NUP210L: variants seen among roughly 807,000 people sequenced by gnomAD.
NUP210L encodes nucleoporin 210 like, also known as nuclear pore membrane glycoprotein 210-like.
In NUP210L, 74 loss-of-function variants were observed where a neutral mutation model predicts 208.5. The ratio of observed to expected loss-of-function variants is 0.35; its 90% CI spans 0.29 to 0.43. The LOEUF is 0.43. NUP210L is among the 20% of genes least tolerant of loss of function. The pLI, the probability that NUP210L is intolerant of heterozygous loss-of-function variation, is 1.00. For missense variants in NUP210L, 1,843 were observed against 2,289.4 expected (o/e 0.81, Z 3.98); for synonymous variants, 780 against 816.9 (o/e 0.95, Z 0.77).
At chr1:154,119,025 G>T (rs1328492140) in intron 10 of NUP210L, among the ~76,000 whole-genome samples, 4 of 151,978 alleles carry the variant, frequency 2.6e-5, no homozygotes, top group African/African-American at 9.7e-5. Context: ...AAAGGGTTTT[G>T]CTAGACCTAA....
At chr1:154,044,461 G>A (rs1482841708) in intron 27 of NUP210L, among the ~76,000 whole-genome samples, 1 of 151,430 alleles carries the variant, frequency 6.6e-6, no homozygotes, top group Non-Finnish European at 1.5e-5. Context: ...ACATTAAATT[G>A]CATCAAACTA....
At chr1:154,144,050 C>G (rs1194111973) in intron 2 of NUP210L, among the ~76,000 whole-genome samples, 1 of 151,922 alleles carries the variant, frequency 6.6e-6, no homozygotes, top group Non-Finnish European at 1.5e-5. Context: ...GGAGTGGTGG[C>G]GGGCACCTGT....
At chr1:154,074,745 T>C (rs1185772428) in intron 16 of NUP210L, among the ~76,000 whole-genome samples, 1 of 152,174 alleles carries the variant, frequency 6.6e-6, no homozygotes, top group African/African-American at 2.4e-5. Flanking sequence ...TGCTTCGGCC[T>C]CCCAAAGTTC....
intron 27 of NUP210L, among the ~76,000 whole-genome samples, chr1:154,031,006 C>T (rs1474680200): frequency 6.6e-6 from 1 of 152,172 alleles, no homozygotes; most frequent in Non-Finnish European, 1.5e-5. Context: ...CCTCAGTCTC[C>T]TAAAGTGTTG....
At chr1:154,124,525 G>GA (rs1159938285) in intron 10 of NUP210L, among the ~76,000 whole-genome samples, 3 of 151,172 alleles carry the variant, frequency 2.0e-5, no homozygotes, top group South Asian at 2.1e-4. Flanking sequence ...TAATCCAAAA[G>GA]AAAAAAAATG....
chr1:154,054,241 A>G (rs1476739430), exon 25 of NUP210L: 13 of 1,614,158 alleles, frequency 8.1e-6, no homozygotes, highest in Non-Finnish European at 1.1e-5. Flanking sequence ...AGAAAACACA[A>G]TGACTTTGCC....
chr1:154,132,147 A>T (rs140002788), intron 7 of NUP210L, among the ~76,000 whole-genome samples: 1 of 152,210 alleles, frequency 6.6e-6, no homozygotes, highest in African/African-American at 2.4e-5. Context: ...ATTCCTTCAG[A>T]TCCTCCTCAC....
rs1449580511 is a variant in NUP210L, at chr1:154,123,070, C to CTT, written c.1326+3252_1326+3253insAA. Among the ~76,000 whole-genome samples, 129 of 29,920 alleles carry CTT rather than the reference C, an allele frequency of 4.3e-3. 1 individual carries two copies. The highest frequency in any genetic ancestry group is 0.015 in the African/African-American group (123 of 8,464). 19.6% of individuals were successfully genotyped at this position (29,920 alleles called of 152,430 possible). On this transcript the variant is annotated intron_variant, in intron 10 of 39. Coordinates refer to ENST00000368559, the Ensembl canonical transcript of NUP210L. ...TGTCTCAAAAAAAAAAAAAAAAAAA[C>CTT]CACAAAAAACTACTAGAGCTAATAA...
At chr1:154,120,996 G>T (rs544216503) in intron 10 of NUP210L, among the ~76,000 whole-genome samples, 1 of 152,054 alleles carries the variant, frequency 6.6e-6, no homozygotes, top group South Asian at 2.1e-4. Flanking sequence ...TGCAGACAAG[G>T]TATAATAATC....
At chr1:154,117,259 T>A (rs935844212) in intron 12 of NUP210L, among the ~76,000 whole-genome samples, 12 of 152,210 alleles carry the variant, frequency 7.9e-5, no homozygotes, top group African/African-American at 2.9e-4. Context: ...GAAGCAAGAT[T>A]CAACCTAGTT....
chr1:154,103,651 G>A (rs1479507139), intron 13 of NUP210L, among the ~76,000 whole-genome samples: 3 of 122,206 alleles, frequency 2.5e-5, no homozygotes, highest in Non-Finnish European at 4.8e-5. Flanking sequence ...CAGCCTGGGC[G>A]ACAGAGCGAG....
At chr1:154,044,870 G>T (rs1413763451) in intron 27 of NUP210L, among the ~76,000 whole-genome samples, 3 of 152,070 alleles carry the variant, frequency 2.0e-5, no homozygotes, top group African/African-American at 7.2e-5. Flanking sequence ...CATAGTTTCT[G>T]CCAAACTTGC....
chr1:154,005,114 G>C (rs1650442970), intron 35 of NUP210L, among the ~76,000 whole-genome samples: 1 of 149,200 alleles, frequency 6.7e-6, no homozygotes, highest in Non-Finnish European at 1.5e-5. Flanking sequence ...GCCTCCCAAA[G>C]TGCTGGGATT....
Position 154,002,241 on chromosome 1 carries a change from G to A in NUP210L, c.4931-256C>T, listed in dbSNP as rs142321575. 2.0e-5 allele frequency among the ~76,000 whole-genome samples: 3 copies of A among 151,960 alleles called. No individual in the cohort carries two copies. The East Asian group carries it at 5.8e-4, about 29-fold the overall frequency. ...CATTCTTTCTTTTTTTTGGAGACAG[G>A]GTCTCACTGTGTCGTGCAGGCTAGA... On this transcript the variant is annotated intron_variant, in intron 35 of 39. Transcript: ENST00000368559.
At chr1:154,024,933 T>G (rs11264887) in intron 30 of NUP210L, among the ~76,000 whole-genome samples, 310 of 88,090 alleles carry the variant, frequency 3.5e-3, no homozygotes, top group South Asian at 0.011. Flanking sequence ...TTTTTTTTTT[T>G]TTTTTTTTTT....
At chr1:154,047,663 T>G (rs1006434147) in intron 25 of NUP210L, among the ~76,000 whole-genome samples, 2 of 152,216 alleles carry the variant, frequency 1.3e-5, no homozygotes, top group African/African-American at 4.8e-5. Context: ...TAATCTATAA[T>G]CTATAGAACC....
At chr1:153,992,727 T>G in exon 40 of NUP210L, 2 of 732,520 alleles carry the variant, frequency 2.7e-6, no homozygotes, top group South Asian at 3.7e-5. Context: ...TTTATAGTTC[T>G]CAGAAGCCTT....
intron 22 of NUP210L, 132 bp from the exon 23 acceptor site, chr1:154,057,079 A>G: frequency 2.6e-6 from 2 of 761,834 alleles, no homozygotes; most frequent in Admixed American, 2.9e-5. Context: ...CCCAGACTCA[A>G]TGTATCCTCC....
chr1:153,995,178 G>C, exon 38 of NUP210L: 1 of 1,607,532 alleles, frequency 6.2e-7, no homozygotes, highest in African/African-American at 1.3e-5. Flanking sequence ...TCTTCACAGT[G>C]ATCTATACAT....
Sources: allele counts gnomAD v4.1 joint callset (sites outside exome capture counted in the v4.1 genomes callset), GRCh38; gene constraint gnomAD v4.1.1; transcripts MANE v1.5; gene names NCBI Gene and HGNC (gene_info 2026-07-23, HGNC 2026-07-21).